Variants in SLC6A3 observed in about 807,000 individuals in gnomAD.
SLC6A3 encodes solute carrier family 6 member 3.
SLC6A3 carries 19 observed loss-of-function variants against 70.4 expected under a neutral mutation model. The ratio of observed to expected loss-of-function variants is 0.27; its 90% CI spans 0.19 to 0.40. The LOEUF (loss-of-function observed/expected upper bound fraction) is 0.40, where lower values mean the gene tolerates loss of function less well. SLC6A3 is among the 10% of genes least tolerant of loss of function. The pLI, the probability that SLC6A3 is intolerant of heterozygous loss-of-function variation, is 1.00. For synonymous variants in SLC6A3, 368 were observed against 356.6 expected, an observed-to-expected ratio of 1.03 and a Z score of -0.36; for missense variants, 613 against 838.5, an observed-to-expected ratio of 0.73 and a Z score of 3.32.
In SLC6A3 at chr5:1,402,888, C is replaced by A; in HGVS notation, c.1767+34G>T. ...CCACGGAGCCTTTCTGGTGGCCTCA[C>A]ACTCGGGTGAAGGCGCCCCGTCCAA... On this transcript the variant is annotated intron_variant, in intron 13 of 14. Transcript: ENST00000270349. The surrounding 1 kb of genome is among the most constrained non-coding windows in gnomAD (Gnocchi z 8.5). The A allele has an allele frequency of 6.2e-7, 1 of 1,608,914 alleles. No individual in the cohort carries two copies. The highest frequency in any genetic ancestry group is 8.5e-7 in the Non-Finnish European group (1 of 1,178,034).
In SLC6A3 at chr5:1,409,768, A is replaced by C; in HGVS notation, c.1351T>G (p.Phe451Val). 6.2e-7 allele frequency: 1 copy of C among 1,613,454 alleles called. No homozygotes were observed. Among genetic ancestry groups the C allele is most frequent in the Non-Finnish European group, 8.5e-7 (1 of 1,180,018 alleles). The change falls in exon 10 of 15, where the codon TTC (phenylalanine) becomes GTC (valine). Residue 451 changes from phenylalanine to valine, a missense_variant. This residue lies in a region of SLC6A3 where 348 missense variants were observed against 481.2 expected (regional missense o/e 0.72). Coordinates refer to ENST00000270349, the MANE Select transcript of SLC6A3 (RefSeq NM_001044.5). ...AGGAGGAAGGTCGCCAGGACGATGA[A>C]GAGCGTGAAGAGCTCACGGTGTCTG... ...LHRHRELFTL[F>V]IVLATFLLSL...
chr5:1,424,380 C>T (rs1756531203), intron 4 of SLC6A3, among the ~76,000 whole-genome samples: 1 of 152,228 alleles, frequency 6.6e-6, no homozygotes, highest in Non-Finnish European at 1.5e-5. Flanking sequence ...CAGTCCCCGT[C>T]GTTCTGCTCC....
chr5:1,430,145 G>A (rs921372509), intron 4 of SLC6A3, among the ~76,000 whole-genome samples: 3 of 152,090 alleles, frequency 2.0e-5, no homozygotes, highest in Admixed American at 1.3e-4. Context: ...CCCACCTTCT[G>A]AAACCAGCCC....
In SLC6A3 at chr5:1,416,186, C is replaced by T. The variant is rs1172470054; in HGVS notation, c.943G>A (p.Ala315Thr). 1.9e-6 allele frequency: 3 copies of T among 1,613,260 alleles called. No individual in the cohort carries two copies. The highest frequency in any genetic ancestry group is 1.7e-6 in the Non-Finnish European group (2 of 1,179,828). Residue 315 changes from alanine (A) to threonine (T), a missense_variant, in exon 7 of 15, where the codon GCC (alanine) becomes ACC (threonine). Around this residue, in one of 4 missense-constraint regions of SLC6A3, gnomAD observed 348 missense variants for 481.2 expected, o/e 0.72. Transcript: ENST00000270349. ...CCCAGGGAGAAGCACACCTGGGTGGCCGCGTCAATCCAAACCTGCAGAGCC... is the reference window on the plus strand; with the variant it reads ...CCCAGGGAGAAGCACACCTGGGTGGTCGCGTCAATCCAAACCTGCAGAGCC... The part of the protein sequence containing the change: ...LCEASVWIDA[A>T]TQVCFSLGVG...
intron 10 of SLC6A3, among the ~76,000 whole-genome samples, chr5:1,409,456 C>T (rs1298158701): frequency 3.9e-5 from 6 of 152,172 alleles, no homozygotes; most frequent in African/African-American, 1.4e-4. Flanking sequence ...CCCAGCGTCC[C>T]CCAGTCCCCA....
chr5:1,436,121 A>G lies in SLC6A3; in HGVS notation c.419-3423T>C, dbSNP rs13162153. ...TGAGGAAATGGCTCCCTTGAACGGT[A>G]GTGGCCACTGTCAGCACTGGCCAGG... On this transcript the variant is annotated intron_variant, in intron 3 of 14. Transcript: ENST00000270349. This position sits in a 1 kb window ranked among gnomAD's most constrained non-coding sequence, Gnocchi z 5.2. Among the ~76,000 whole-genome samples, 5 of 151,628 alleles carry G rather than the reference A, an allele frequency of 3.3e-5. No homozygotes were observed. The East Asian group carries it at 7.8e-4, about 24-fold the overall frequency.
chr5:1,401,048 C>T lies in SLC6A3; in HGVS notation c.1768-62G>A. ...CAGTACCCACTGCCAGCACCCACCACTGACTCACACTGCCAGGACCCTCAC... is the reference window on the plus strand; with the variant it reads ...CAGTACCCACTGCCAGCACCCACCATTGACTCACACTGCCAGGACCCTCAC... On this transcript the variant is annotated intron_variant, in intron 13 of 14. Coordinates refer to ENST00000270349, the MANE Select transcript of SLC6A3 (RefSeq NM_001044.5). The surrounding 1 kb of genome is among the most constrained non-coding windows in gnomAD (Gnocchi z 6.1). 1 of 1,240,130 alleles carries T rather than the reference C, an allele frequency of 8.1e-7. No homozygotes were observed. The highest frequency in any genetic ancestry group is 1.2e-6 in the Non-Finnish European group (1 of 860,680). 76.8% of individuals were successfully genotyped at this position (1,240,130 alleles called of 1,614,324 possible).
chr5:1,416,549 A>ATTTTAATG, intron 6 of SLC6A3: 2 of 409,196 alleles, frequency 4.9e-6, no homozygotes, highest in East Asian at 5.2e-5. Flanking sequence ...ACAGCATCCT[A>ATTTTAATG]ATAACCCTCG....
intron 14 of SLC6A3, among the ~76,000 whole-genome samples, chr5:1,395,232 G>A (rs2652532): frequency 7.9e-5 from 12 of 152,210 alleles, no homozygotes; most frequent in African/African-American, 2.2e-4. Context: ...TGCTCTCTGC[G>A]ACCCGCGCGG....
chr5:1,397,397 C>G lies in SLC6A3; in HGVS notation c.1840-2639G>C, dbSNP rs1413195308. On this transcript the variant is annotated intron_variant, in intron 14 of 14. Transcript: ENST00000270349. This position sits in a 1 kb window ranked among gnomAD's most constrained non-coding sequence, Gnocchi z 4.7. ...AGTGAGCCGAGATTGCGCCACTGCACTCCAGCCTGGGCTACAGAGCGAGAC... is the reference window on the plus strand; with the variant it reads ...AGTGAGCCGAGATTGCGCCACTGCAGTCCAGCCTGGGCTACAGAGCGAGAC... Among the ~76,000 whole-genome samples the G allele has an allele frequency of 6.6e-6, 1 of 152,210 alleles. No individual in the cohort carries two copies. The highest frequency in any genetic ancestry group is 1.5e-5 in the Non-Finnish European group (1 of 68,044).
chr5:1,407,043 T>C (rs1755999790), intron 11 of SLC6A3, among the ~76,000 whole-genome samples: 1 of 152,348 alleles, frequency 6.6e-6, no homozygotes, highest in East Asian at 1.9e-4. Context: ...AAGCTATTTC[T>C]AGAAACATAA....
rs1290575990 is a variant in SLC6A3, at chr5:1,421,964, G to C, written c.704C>G (p.Pro235Arg). 1 of 1,613,136 alleles carries C rather than the reference G, an allele frequency of 6.2e-7. No homozygotes were observed. Among genetic ancestry groups the C allele is most frequent in the Admixed American group, 1.7e-5 (1 of 60,026 alleles). ...HQSHGIDDLG[P>R]PRWQLTACLV... is the part of the protein sequence containing the mutation. ...GCAGGCTGTGAGCTGCCACCGCGGA[G>C]GCCCCAGGTCGTCGATGCCATGGCT... is the stretch of plus-strand genomic sequence containing the variant. The change falls in exon 5 of 15, where the codon CCT becomes CGT. Residue 235 changes from proline to arginine, a missense_variant. Transcript: ENST00000270349. This position sits in a 1 kb window ranked among gnomAD's most constrained non-coding sequence, Gnocchi z 7.2.
Position 1,416,220 on chromosome 5 carries a change from G to A in SLC6A3, c.928-19C>T, listed in dbSNP as rs2126358138. ...TCCAAACCTGCAGAGCCAGAGGGCG[G>A]TGAGAGGCTGTCCCAGGAGAACGCA... On this transcript the variant is annotated intron_variant, in intron 6 of 14. Transcript: ENST00000270349. The A allele has an allele frequency of 2.5e-6, 4 of 1,590,950 alleles. No individual in the cohort carries two copies. The South Asian group carries it at 3.3e-5, about 13-fold the overall frequency.
intron 9 of SLC6A3, among the ~76,000 whole-genome samples, chr5:1,410,793 C>T (rs1223084733): frequency 6.6e-6 from 1 of 152,052 alleles, no homozygotes; most frequent in Non-Finnish European, 1.5e-5. Flanking sequence ...CACGTGCATG[C>T]ATGTCTGTGT....
Position 1,406,155 on chromosome 5 carries a change from C to A in SLC6A3, c.1599+33G>T. 3 of 1,512,156 alleles carry A rather than the reference C, an allele frequency of 2.0e-6. No individual in the cohort carries two copies. The highest frequency in any genetic ancestry group is 1.7e-4 in the Middle Eastern group (1 of 5,900). 93.7% of individuals were successfully genotyped at this position (1,512,156 alleles called of 1,614,324 possible). A position where few individuals can be genotyped will look rare whatever the true frequency, so the allele number is the denominator to read the frequency against. On this transcript the variant is annotated intron_variant, in intron 12 of 14. Transcript: ENST00000270349. This position sits in a 1 kb window ranked among gnomAD's most constrained non-coding sequence, Gnocchi z 8.8. ...TGCCAGAGTGGGGGCAGTGGGCAGA[C>A]GGGGGAAGGGCAGGTGGCCCGAGGT...
In SLC6A3 at chr5:1,394,721, C is replaced by A. The variant is rs777264160; in HGVS notation, c.*14G>T. 4 of 1,613,738 alleles carry A rather than the reference C, an allele frequency of 2.5e-6. No individual in the cohort carries two copies. Among genetic ancestry groups the A allele is most frequent in the Non-Finnish European group, 3.4e-6 (4 of 1,179,674 alleles). On this transcript the variant is annotated 3_prime_UTR_variant, in exon 15 of 15. Coordinates refer to ENST00000270349, the MANE Select transcript of SLC6A3 (RefSeq NM_001044.5). The surrounding 1 kb of genome is among the most constrained non-coding windows in gnomAD (Gnocchi z 4.7). The stretch of plus-strand genomic sequence containing the variant: ...TTGCAGGATGACTTCCTGGGGTCTT[C>A]GTCTCTGCTCCCTCTACACCTTGAG...
chr5:1,406,272 G>GCCCAACAC lies in SLC6A3; in HGVS notation c.1514_1515insGTGTTGGG (p.Ser505ArgfsTer10). Reference sequence around the variant, plus strand: ...GCCCGGTCATCTGCTGGATGTCGTCGCTGAACTGCCCAACACCTGAGGGAG... The same window carrying GCCCAACAC: ...GCCCGGTCATCTGCTGGATGTCGTCGCCCAACACCTGAACTGCCCAACACCTGAGGGAG... On this transcript the variant is annotated frameshift_variant, in exon 12 of 15. Transcript: ENST00000270349. LOFTEE classifies it high-confidence loss of function. The surrounding 1 kb of genome is among the most constrained non-coding windows in gnomAD (Gnocchi z 8.8). 6.2e-7 allele frequency: 1 copy of GCCCAACAC among 1,612,844 alleles called. No individual in the cohort carries two copies. Among genetic ancestry groups the GCCCAACAC allele is most frequent in the Non-Finnish European group, 8.5e-7 (1 of 1,179,872 alleles).
intron 1 of SLC6A3, 52 bp from the exon 2 acceptor site, chr5:1,443,294 G>T: frequency 7.1e-7 from 1 of 1,402,120 alleles, no homozygotes; most frequent in Non-Finnish European, 1.0e-6. Flanking sequence ...CAATTCAGCA[G>T]CCAGGGCTAG....
intron 12 of SLC6A3, among the ~76,000 whole-genome samples, chr5:1,403,712 G>C (rs1243549309): frequency 6.6e-6 from 1 of 152,028 alleles, no homozygotes; most frequent in African/African-American, 2.4e-5. Flanking sequence ...TCTGAGCTCC[G>C]TATCTCTACT....
Sources: allele counts gnomAD v4.1 joint callset (sites outside exome capture counted in the v4.1 genomes callset), GRCh38; gene constraint gnomAD v4.1.1; regional missense constraint gnomAD v4.1.1; non-coding constraint Gnocchi (gnomAD v3.1); transcripts MANE v1.5; gene names NCBI Gene and HGNC (gene_info 2026-07-23, HGNC 2026-07-21).